CCDC73: variants seen among roughly 807,000 people sequenced by gnomAD.
CCDC73 encodes coiled-coil domain containing 73, also known as coiled-coil domain-containing protein 73.
A neutral mutation model predicts 116.5 loss-of-function variants in CCDC73; 95 were observed. The observed-to-expected ratio is 0.82, with a 90% CI of 0.69 to 0.97. CCDC73 has a LOEUF of 0.97. Among genes scored for constraint, CCDC73 ranks in the 50% least tolerant of loss-of-function variants. The pLI is 0.00. For synonymous variants in CCDC73, 398 were observed against 401.3 expected, an observed-to-expected ratio of 0.99 and a Z score of 0.10; for missense variants, 1,066 against 1,206.8, an observed-to-expected ratio of 0.88 and a Z score of 1.73.
At chr11:32,654,745 A>G in intron 10 of CCDC73, 99 bp downstream of exon 10, 1 of 906,060 alleles carries the variant, frequency 1.1e-6, no homozygotes. Context: ...ATGCATATTG[A>G]CTTTGCAAAG....
At chr11:32,659,683 A>G (rs1416111415) in intron 9 of CCDC73, among the ~76,000 whole-genome samples, 2 of 152,178 alleles carry the variant, frequency 1.3e-5, no homozygotes, top group Admixed American at 6.5e-5. Context: ...CTTTAGCTAT[A>G]AATATCAGAA....
chr11:32,759,792 C>A (rs1435700395), intron 2 of CCDC73, among the ~76,000 whole-genome samples: 1 of 152,100 alleles, frequency 6.6e-6, no homozygotes. Flanking sequence ...TCCCCAAGAG[C>A]GATTATTTTT....
At chr11:32,683,637 A>AT in intron 6 of CCDC73, 63 bp from the exon 7 acceptor site, 1 of 979,106 alleles carries the variant, frequency 1.0e-6, no homozygotes, top group South Asian at 1.4e-5. Flanking sequence ...AATTCCTCTG[A>AT]TATCAAAAGT....
chr11:32,678,009 T>G (rs1856106991), intron 7 of CCDC73, among the ~76,000 whole-genome samples: 1 of 142,970 alleles, frequency 7.0e-6, no homozygotes, highest in South Asian at 2.2e-4. Context: ...CCGAGCACAG[T>G]GGCTCAGGCC....
At chr11:32,608,519 C>T (rs1855383434) in intron 17 of CCDC73, among the ~76,000 whole-genome samples, 2 of 152,196 alleles carry the variant, frequency 1.3e-5, no homozygotes, top group Non-Finnish European at 2.9e-5. Flanking sequence ...CAGCCTCCCT[C>T]CTGGCCACTT....
At chr11:32,691,920 T>A (rs7104426) in intron 6 of CCDC73, among the ~76,000 whole-genome samples, 1 of 150,780 alleles carries the variant, frequency 6.6e-6, no homozygotes, top group Non-Finnish European at 1.5e-5. Flanking sequence ...TGGTGGCAGG[T>A]GCCTGTAGTC....
intron 2 of CCDC73, among the ~76,000 whole-genome samples, chr11:32,722,453 CAG>C (rs1849998192): frequency 6.6e-6 from 1 of 152,120 alleles, no homozygotes. Flanking sequence ...ATCTGACTCA[CAG>C]TCATGAGAGG....
At chr11:32,605,322 G>A (rs1279856037) in intron 17 of CCDC73, 1 of 152,032 alleles carries the variant, frequency 6.6e-6, no homozygotes, top group Non-Finnish European at 1.5e-5. Flanking sequence ...TCTTTGGGGT[G>A]ATTCTTTGTT....
chr11:32,721,350 AG>A (rs1357441060), intron 2 of CCDC73, among the ~76,000 whole-genome samples: 1 of 152,100 alleles, frequency 6.6e-6, no homozygotes, highest in Non-Finnish European at 1.5e-5. Context: ...AAATATCAGG[AG>A]GAAGTATACT....
intron 7 of CCDC73, among the ~76,000 whole-genome samples, chr11:32,679,307 C>T (rs1468514475): frequency 6.6e-6 from 1 of 152,158 alleles, no homozygotes; most frequent in Non-Finnish European, 1.5e-5. Context: ...AGAAACCTAA[C>T]ACAATTTCAC....
Position 32,614,394 on chromosome 11 carries a change from A to G in CCDC73, c.1924T>C (p.Cys642Arg), listed in dbSNP as rs763470889. ...GAATTCCGTAAACTATATTTCTGAC[A>G]TGGAACAGGATTTTTTTTTATATCT... Reference protein sequence around the residue: ...SLDIKKNPVPCQKYSLRNSSN... With the variant: ...SLDIKKNPVPRQKYSLRNSSN... Residue 642 changes from cysteine (C) to arginine (R), a missense_variant, in exon 16 of 18, where the codon TGT becomes CGT. Coordinates refer to ENST00000335185, the MANE Select transcript of CCDC73 (RefSeq NM_001008391.4). The G allele has an allele frequency of 6.2e-7, 1 of 1,613,320 alleles. No individual in the cohort carries two copies. The highest frequency in any genetic ancestry group is 8.5e-7 in the Non-Finnish European group (1 of 1,179,572).
intron 1 of CCDC73, among the ~76,000 whole-genome samples, chr11:32,775,717 C>T (rs560478654): frequency 6.6e-6 from 1 of 152,194 alleles, no homozygotes; most frequent in African/African-American, 2.4e-5. Flanking sequence ...GATTGGGAAT[C>T]CTTTAATATT....
intron 10 of CCDC73, 149 bp downstream of exon 10, chr11:32,654,695 C>A: frequency 1.6e-6 from 1 of 629,706 alleles, no homozygotes. Flanking sequence ...AAGTCTATGG[C>A]AAAAATTAAT....
At chr11:32,609,572 C>T (rs1445855948) in intron 17 of CCDC73, among the ~76,000 whole-genome samples, 3 of 151,716 alleles carry the variant, frequency 2.0e-5, no homozygotes, top group Non-Finnish European at 4.4e-5. Flanking sequence ...ACTGTTCCAA[C>T]CTTGGCCTGT....
At chr11:32,686,211 A>G (rs1005598692) in intron 6 of CCDC73, among the ~76,000 whole-genome samples, 2 of 144,756 alleles carry the variant, frequency 1.4e-5, no homozygotes, top group Admixed American at 6.8e-5. Context: ...GGGAAAGCCA[A>G]AAAAAAAAAA....
intron 3 of CCDC73, among the ~76,000 whole-genome samples, chr11:32,703,713 C>T (rs1243603429): frequency 2.1e-5 from 3 of 141,222 alleles, no homozygotes. Flanking sequence ...TTTTCACAAA[C>T]CAAAACTACC....
intron 11 of CCDC73, among the ~76,000 whole-genome samples, 169 bp downstream of exon 11, chr11:32,653,808 TA>T (rs1855847505): frequency 2.6e-5 from 4 of 152,286 alleles, no homozygotes; most frequent in African/African-American, 9.6e-5. Flanking sequence ...AAAACTAAGG[TA>T]TTTTTTAATG....
chr11:32,652,981 G>T (rs1855839130), intron 12 of CCDC73, 142 bp downstream of exon 12: 1 of 522,924 alleles, frequency 1.9e-6, no homozygotes, highest in Non-Finnish European at 3.4e-6. Context: ...AAAACAAGTT[G>T]AAGGAAGTCA....
At chr11:32,713,500 A>G (rs1346319771) in intron 3 of CCDC73, among the ~76,000 whole-genome samples, 1 of 152,110 alleles carries the variant, frequency 6.6e-6, no homozygotes, top group Non-Finnish European at 1.5e-5. Flanking sequence ...CGTTAAGGCT[A>G]GAGGAAATAC....
Sources: allele counts gnomAD v4.1 joint callset (sites outside exome capture counted in the v4.1 genomes callset), GRCh38; gene constraint gnomAD v4.1.1; transcripts MANE v1.5; gene names NCBI Gene and HGNC (gene_info 2026-07-23, HGNC 2026-07-21).